The following NCF2 variants were observed in gnomAD, a reference collection of about 807,000 sequenced individuals.
The protein encoded by NCF2 is neutrophil cytosol factor 2.
Under a neutral mutation model 70.9 loss-of-function variants are expected in NCF2, and 45 were observed. That is an observed-to-expected ratio of 0.63 (90% CI 0.50 to 0.81). NCF2 has a LOEUF of 0.81. Ranked by LOEUF, NCF2 falls within the 40% of genes least tolerant of loss-of-function variation. The probability of loss-of-function intolerance (pLI) is 0.00; values close to 1 mark genes in which losing one functional copy is unlikely to be tolerated. For missense variants in NCF2, 522 were observed against 631.6 expected (o/e 0.83, Z 1.86); for synonymous variants, 203 against 233.6 (o/e 0.87, Z 1.19).
At chr1:183,595,715 C>T (rs549711129), upstream of NCF2, among the ~76,000 whole-genome samples, 9 of 152,294 alleles carry the variant, frequency 5.9e-5, no homozygotes, top group African/African-American at 2.2e-4. Context: ...TACCTCTAGA[C>T]CTTCTCTTAA....
chr1:183,565,635 G>A, intron 10 of NCF2, 69 bp downstream of exon 10: 2 of 1,472,426 alleles, frequency 1.4e-6, no homozygotes, highest in Non-Finnish European at 1.9e-6. Context: ...AAGGCAGGGA[G>A]AGGAACTCAG....
At chr1:183,599,081 C>G in the NCF2 span, among the ~76,000 whole-genome samples, 4 of 152,322 alleles carry the variant, frequency 2.6e-5, no homozygotes, top group South Asian at 8.3e-4. Flanking sequence ...CAAAATAAGT[C>G]AGGTCAAAAC....
intron 2 of NCF2, among the ~76,000 whole-genome samples, chr1:183,586,129 G>A (rs1021520472): frequency 6.6e-6 from 1 of 152,238 alleles, no homozygotes; most frequent in African/African-American, 2.4e-5. Context: ...GAGGTCGGGA[G>A]TTCAAGACCA....
chr1:183,599,405 T>A, the NCF2 span, among the ~76,000 whole-genome samples: 181 of 144,964 alleles, frequency 1.2e-3, no homozygotes, highest in Admixed American at 2.4e-3. Context: ...AACCTCTTTT[T>A]CTTTCTTTCT....
chr1:183,563,916 TC>T (rs1298318911), intron 11 of NCF2, 88 bp downstream of exon 11: 119 of 1,449,286 alleles, frequency 8.2e-5, no homozygotes, highest in Non-Finnish European at 6.7e-5. Flanking sequence ...TTGGGGCTCT[TC>T]CTATAATCCA....
intron 10 of NCF2, among the ~76,000 whole-genome samples, chr1:183,564,275 G>A (rs529843093): frequency 6.6e-6 from 1 of 152,194 alleles, no homozygotes; most frequent in African/African-American, 2.4e-5. Flanking sequence ...AATTACCAAA[G>A]GACCAGCATA....
rs182819269 is a variant in NCF2, at chr1:183,555,890, C to G, written c.*228G>C. 2.4e-5 allele frequency: 14 copies of G among 586,686 alleles called. No homozygotes were observed. The highest frequency in any genetic ancestry group is 4.0e-5 in the Non-Finnish European group (13 of 328,816). 36.3% of individuals were successfully genotyped at this position (586,686 alleles called of 1,614,324 possible). A position where few individuals can be genotyped will look rare whatever the true frequency, so the allele number is the denominator to read the frequency against. On this transcript the variant is annotated 3_prime_UTR_variant, in exon 15 of 15. Coordinates refer to ENST00000367535, the MANE Select transcript of NCF2 (RefSeq NM_000433.4). ...CCAGACACTTCCATCCACTTTTCCT[C>G]TCCCCTAACTCCTCCATTCACCTGT...
In NCF2 at chr1:183,574,604, A is replaced by G; in HGVS notation, c.384T>C (p.Ala128=). Residue 128 remains alanine (A), a synonymous_variant, in exon 4 of 15, where the codon GCT becomes GCC. Transcript: ENST00000367535. ...ATTCCTCCTTCTTGGCATACATGAA[A>G]GCAATGTTATATAACACCTAGAAAA... ...LFACEVLYNI[A]FMYAKKEEWK... 1 of 1,614,206 alleles carries G rather than the reference A, an allele frequency of 6.2e-7. No individual in the cohort carries two copies. Among genetic ancestry groups the G allele is most frequent in the East Asian group, 2.2e-5 (1 of 44,888 alleles).
intron 3 of NCF2, among the ~76,000 whole-genome samples, chr1:183,575,838 T>G (rs1672778636): frequency 6.6e-6 from 1 of 152,162 alleles, no homozygotes. Flanking sequence ...TTGATGTTTC[T>G]GTGGCATTAG....
At chr1:183,591,931 A>G (rs1673671386), upstream of NCF2, among the ~76,000 whole-genome samples, 1 of 152,212 alleles carries the variant, frequency 6.6e-6, no homozygotes, top group Non-Finnish European at 1.5e-5. Context: ...TGCACTGATG[A>G]CTAATGGATT....
chr1:183,599,258 G>C, the NCF2 span, among the ~76,000 whole-genome samples: 21 of 152,212 alleles, frequency 1.4e-4, no homozygotes, highest in South Asian at 3.5e-3. Flanking sequence ...GTGAGCACCT[G>C]TAGTCCTATC....
At position 183,566,244 on chromosome 1, in the gene NCF2, A is replaced by G. The variant is rs1672293290; in HGVS notation, c.925-465T>C. Among the ~76,000 whole-genome samples the G allele has an allele frequency of 2.6e-5, 4 of 152,196 alleles. No homozygotes were observed. The South Asian group carries it at 8.3e-4, about 31-fold the overall frequency. On this transcript the variant is annotated intron_variant, in intron 9 of 14. Coordinates refer to ENST00000367535, the MANE Select transcript of NCF2 (RefSeq NM_000433.4). ...CACAGTCTAGAGACAGACAGTCTCC[A>G]CTGCCATTGAGTCACTTACAGGGAT... is the stretch of plus-strand genomic sequence containing the variant.
chr1:183,589,537 T>A (rs1447795131), intron 1 of NCF2, among the ~76,000 whole-genome samples: 1 of 152,212 alleles, frequency 6.6e-6, no homozygotes, highest in Non-Finnish European at 1.5e-5. Flanking sequence ...ACTATGGTAT[T>A]TGAGTGAGAA....
At chr1:183,586,857 C>G in intron 2 of NCF2, 38 bp downstream of exon 2, 1 of 1,593,302 alleles carries the variant, frequency 6.3e-7, no homozygotes, top group Non-Finnish European at 8.6e-7. Context: ...GGGTTTCTCT[C>G]TGAAATCCTC....
chr1:183,570,883 T>G, intron 5 of NCF2, 44 bp from the exon 6 acceptor site: 1 of 1,598,844 alleles, frequency 6.3e-7, no homozygotes, highest in African/African-American at 1.3e-5. Context: ...CCAGCACTGT[T>G]TCCATTCTTC....
chr1:183,599,449 T>TCTTTCTTTCTTTCTTTCTTTC, the NCF2 span, among the ~76,000 whole-genome samples: 2 of 127,930 alleles, frequency 1.6e-5, no homozygotes, highest in Admixed American at 8.4e-5. Flanking sequence ...TTTCTTTCTT[T>TCTTTCTTTCTTTCTTTCTTTC]CTTTCTTTCT....
At chr1:183,599,470 CTTTCTTTCTTTCTCTTTTCTTT>C in the NCF2 span, among the ~76,000 whole-genome samples, 3 of 137,152 alleles carry the variant, frequency 2.2e-5, no homozygotes, top group African/African-American at 8.6e-5. Context: ...TTCTTTCTTT[CTTTCTTTCTTTCTCTTTTCTTT>C]CTTTCTCTTT....
In NCF2 at chr1:183,563,493, G is replaced by A. The variant is rs1672168146; in HGVS notation, c.1119C>T (p.Ser373=). 1 of 1,614,070 alleles carries A rather than the reference G, an allele frequency of 6.2e-7. No homozygotes were observed. The highest frequency in any genetic ancestry group is 1.7e-5 in the Admixed American group (1 of 59,996). The change falls in exon 12 of 15, where the codon AGC becomes AGT. Residue 373 remains serine, a synonymous_variant. Transcript: ENST00000367535. ...VMKTQPGLPY[S]QVRDMVSKKL... is the part of the protein sequence containing the mutation. ...TCTTAGACACCATGTCCCGGACCTG[G>A]CTGTAGGGGAGCCCGGGCTGAGTCT...
intron 7 of NCF2, among the ~76,000 whole-genome samples, chr1:183,568,075 TGTA>T (rs1183515788): frequency 3.3e-5 from 5 of 152,068 alleles, no homozygotes; most frequent in Non-Finnish European, 7.4e-5. Flanking sequence ...TGCCTACTCC[TGTA>T]GGGAATACAG....
Sources: allele counts gnomAD v4.1 joint callset (sites outside exome capture counted in the v4.1 genomes callset), GRCh38; gene constraint gnomAD v4.1.1; transcripts MANE v1.5; gene names NCBI Gene and HGNC (gene_info 2026-07-23, HGNC 2026-07-21).